C1orf94: variants seen among roughly 807,000 people sequenced by gnomAD.
C1orf94 encodes the protein uncharacterized protein C1orf94.
In C1orf94, 45 loss-of-function variants were observed where a neutral mutation model predicts 53.6. The ratio of observed to expected loss-of-function variants is 0.84; its 90% CI spans 0.66 to 1.08. The LOEUF is 1.08. C1orf94 is among the 50% of genes least tolerant of loss of function. C1orf94 has a pLI of 0.00. For missense variants in C1orf94, 762 were observed against 738.9 expected (o/e 1.03, Z -0.36); for synonymous variants, 304 against 296.1 (o/e 1.03, Z -0.27).
intron 1 of C1orf94, among the ~76,000 whole-genome samples, chr1:34,167,414 C>CT (rs1480020891): frequency 6.6e-6 from 1 of 152,214 alleles, no homozygotes; most frequent in Non-Finnish European, 1.5e-5. Context: ...AGCTCCAGAA[C>CT]TTTGCTCTGT....
chr1:34,190,134 A>ATCCC (rs1390187460), intron 1 of C1orf94, among the ~76,000 whole-genome samples: 3 of 152,160 alleles, frequency 2.0e-5, no homozygotes, highest in African/African-American at 4.8e-5. Context: ...GATGCTCTGT[A>ATCCC]TCCCTCATGG....
At chr1:34,207,123 A>G (rs1642809373) in intron 4 of C1orf94, among the ~76,000 whole-genome samples, 1 of 152,174 alleles carries the variant, frequency 6.6e-6, no homozygotes, top group African/African-American at 2.4e-5. Flanking sequence ...CCTCTCGGGC[A>G]GCAGATCTTC....
At chr1:34,187,971 C>G (rs1198298128) in intron 1 of C1orf94, among the ~76,000 whole-genome samples, 1 of 152,132 alleles carries the variant, frequency 6.6e-6, no homozygotes, top group Non-Finnish European at 1.5e-5. Context: ...ACATTCTCAC[C>G]TGGCTGGGTG....
chr1:34,176,220 C>A (rs979649589), upstream of C1orf94, among the ~76,000 whole-genome samples: 1 of 152,122 alleles, frequency 6.6e-6, no homozygotes, highest in Non-Finnish European at 1.5e-5. Flanking sequence ...CAGGATTCAA[C>A]CCAGCCCTGC....
chr1:34,206,411 G>A (rs1385519453), intron 4 of C1orf94, among the ~76,000 whole-genome samples: 2 of 152,216 alleles, frequency 1.3e-5, no homozygotes, highest in African/African-American at 4.8e-5. Flanking sequence ...CTGCGGTCTG[G>A]AGGCATAGCT....
intron 2 of C1orf94, among the ~76,000 whole-genome samples, 171 bp from the exon 3 acceptor site, chr1:34,200,601 G>A (rs1045477348): frequency 6.6e-6 from 1 of 152,096 alleles, no homozygotes; most frequent in African/African-American, 2.4e-5. Context: ...GGGCCAGGGA[G>A]GGTTTCAGGG....
At chr1:34,172,028 G>T (rs559719243), upstream of C1orf94, among the ~76,000 whole-genome samples, 1 of 152,290 alleles carries the variant, frequency 6.6e-6, no homozygotes, top group African/African-American at 2.4e-5. Context: ...TAAGGTAGAA[G>T]AAGTCTTAAG....
At chr1:34,217,651 G>A (rs2148625146) in intron 6 of C1orf94, among the ~76,000 whole-genome samples, 1 of 152,286 alleles carries the variant, frequency 6.6e-6, no homozygotes, top group South Asian at 2.1e-4. Context: ...AGCCCAACTT[G>A]CCCATGGAGA....
At position 34,197,903 on chromosome 1, in the gene C1orf94, C is replaced by T. The variant is rs772554672; in HGVS notation, c.999C>T (p.His333=). Reference sequence around the variant, plus strand: ...AGGCTGACCCTGCTGTGGAGAGGCACCACTTGATGGGTGAGTGGGGTTGGA... The same window carrying T: ...AGGCTGACCCTGCTGTGGAGAGGCATCACTTGATGGGTGAGTGGGGTTGGA... ...KPKADPAVER[H]HLMEWSPGTK... is the part of the protein sequence containing the mutation. The change falls in exon 2 of 7, where the codon CAC becomes CAT. Residue 333 remains histidine, a synonymous_variant. Coordinates refer to ENST00000488417, the MANE Select transcript of C1orf94 (RefSeq NM_001134734.2). The surrounding 1 kb of genome is among the most constrained non-coding windows in gnomAD (Gnocchi z 4.1). The T allele has an allele frequency of 3.1e-6, 5 of 1,612,880 alleles. No homozygotes were observed. The highest frequency in any genetic ancestry group is 1.6e-4 in the Middle Eastern group (1 of 6,076).
rs142176437 is a variant in C1orf94 at position 34,169,968 on chromosome 1, C to T, written c.-251+2797C>T. On this transcript the variant is annotated intron_variant, in intron 1 of 6. Coordinates refer to the C1orf94 transcript ENST00000373374. ...GAAGGGGCCCACAGCCTAGGCCATT[C>T]CTCTAGTGCTACCACATGCTGTGGT... is the stretch of plus-strand genomic sequence containing the variant. Among the ~76,000 whole-genome samples, 545 of 152,318 alleles carry T rather than the reference C, an allele frequency of 3.6e-3. 1 individual carries two copies. The highest frequency in any genetic ancestry group is 6.0e-3 in the Non-Finnish European group (410 of 68,028).
At chr1:34,184,905 T>C (rs1642362736) in intron 1 of C1orf94, among the ~76,000 whole-genome samples, 1 of 152,140 alleles carries the variant, frequency 6.6e-6, no homozygotes, top group Non-Finnish European at 1.5e-5. Context: ...AAGACTCAGA[T>C]ACGGAAACTC....
Position 34,177,655 on chromosome 1 carries a change from CA to C in C1orf94, c.-131del. 1.3e-6 allele frequency: 1 copy of C among 772,262 alleles called. No homozygotes were observed. The highest frequency in any genetic ancestry group is 2.0e-6 in the Non-Finnish European group (1 of 500,136). The allele number at this position is 772,262 out of a possible 1,614,324, so 47.8% of individuals were successfully genotyped here. ...AAATCAAAATAAGCCCTCCCCTCCC[CA>C]AAAGAAAGCTGTCCTCCACCCACCC... On this transcript the variant is annotated 5_prime_UTR_variant, in exon 1 of 7. The change abolishes the stop of an existing upstream ORF in the 5' untranslated region. Transcript: ENST00000488417.
Position 34,208,158 on chromosome 1 carries a change from G to T in C1orf94, c.1448G>T (p.Gly483Val), listed in dbSNP as rs201753293. The T allele has an allele frequency of 1.3e-5, 21 of 1,613,928 alleles. No homozygotes were observed. Among genetic ancestry groups the T allele is most frequent in the Middle Eastern group, 3.3e-4 (2 of 6,084 alleles). Residue 483 changes from glycine to valine, a missense_variant and splice_region_variant, in exon 5 of 7, where the codon GGC becomes GTC. Physicochemically the swap from Gly to Val is moderately radical, Grantham distance 109. Coordinates refer to ENST00000488417, the MANE Select transcript of C1orf94 (RefSeq NM_001134734.2). ...TNHSTFLQYQ[G>V]LYPQQAARMP... ...TACTGAGCCTCTGTTTCTCCCCAGG[G>T]CCTGTACCCACAGCAGGCAGCGAGG... is the stretch of plus-strand genomic sequence containing the variant.
At chr1:34,188,773 G>A (rs1443388151) in intron 1 of C1orf94, among the ~76,000 whole-genome samples, 1 of 152,174 alleles carries the variant, frequency 6.6e-6, no homozygotes, top group Non-Finnish European at 1.5e-5. Context: ...CCAGCCCTAA[G>A]CTTAGTCCCC....
intron 6 of C1orf94, among the ~76,000 whole-genome samples, chr1:34,216,621 G>A (rs1642992747): frequency 6.6e-6 from 1 of 152,180 alleles, no homozygotes; most frequent in Non-Finnish European, 1.5e-5. Context: ...ACAAAACTGT[G>A]TGAAGGGGAG....
chr1:34,202,007 A>G, intron 3 of C1orf94, 77 bp from the exon 4 acceptor site: 1 of 1,454,100 alleles, frequency 6.9e-7, no homozygotes, highest in Non-Finnish European at 9.5e-7. Flanking sequence ...ATCCCTAAGG[A>G]AGTTGCGATG....
chr1:34,202,375 C>T (rs1642725718), intron 4 of C1orf94, 116 bp downstream of exon 4: 1 of 1,172,338 alleles, frequency 8.5e-7, no homozygotes, highest in Admixed American at 2.7e-5. Context: ...GAATCCCTTC[C>T]CTACATGCAA....
At chr1:34,179,478 C>T (rs1326807608) in intron 1 of C1orf94, among the ~76,000 whole-genome samples, 1 of 152,250 alleles carries the variant, frequency 6.6e-6, no homozygotes, top group Admixed American at 6.5e-5. Context: ...TCCTCTTTGC[C>T]AGGTCACACA....
rs1188961651 is a variant in C1orf94 at position 34,212,246 on chromosome 1, A to G, written c.1561A>G (p.Ile521Val). 4 of 1,613,258 alleles carry G rather than the reference A, an allele frequency of 2.5e-6. No individual in the cohort carries two copies. The Admixed American group carries it at 6.7e-5, about 27-fold the overall frequency. ...CAACCCACAGCAGATGGGACAGCAG[A>G]TCTTCCGCTCTTCCTACACCCCTCT... ...PYNPQQMGQQ[I>V]FRSSYTPLLS... Residue 521 changes from isoleucine (I) to valine (V), a missense_variant, in exon 6 of 7, where the codon ATC becomes GTC. Physicochemically the swap from Ile to Val is conservative, Grantham distance 29. Coordinates refer to ENST00000488417, the MANE Select transcript of C1orf94 (RefSeq NM_001134734.2).
Sources: allele counts gnomAD v4.1 joint callset (sites outside exome capture counted in the v4.1 genomes callset), GRCh38; gene constraint gnomAD v4.1.1; non-coding constraint Gnocchi (gnomAD v3.1); transcripts MANE v1.5; gene names NCBI Gene and HGNC (gene_info 2026-07-23, HGNC 2026-07-21).